Variants in SNURF observed in about 807,000 individuals in gnomAD.
SNURF encodes the protein SNRPN upstream open reading frame.
In SNURF, 6 loss-of-function variants were observed where a neutral mutation model predicts 11.6. The observed-to-expected ratio is 0.52, with a 90% CI of 0.28 to 1.02. The LOEUF is 1.02. SNURF is among the 50% of genes least tolerant of loss of function. SNURF has a pLI of 0.09. For missense variants in SNURF, 84 were observed against 88.4 expected, an observed-to-expected ratio of 0.95 and a Z score of 0.20; for synonymous variants, 29 against 31.6, an observed-to-expected ratio of 0.92 and a Z score of 0.27.
intron 2 of SNURF, among the ~76,000 whole-genome samples, chr15:24,963,236 T>C (rs2075117022): frequency 6.6e-6 from 1 of 152,222 alleles, no homozygotes; most frequent in African/African-American, 2.4e-5. Context: ...TGTGATAACA[T>C]TATTATTGTA....
chr15:24,975,015 A>G (rs1240669589), intron 3 of SNURF: 1 of 702,062 alleles, frequency 1.4e-6, no homozygotes, highest in African/African-American at 1.7e-5. Flanking sequence ...TGGCATTAAC[A>G]GTACAGAGAA....
Position 24,955,072 on chromosome 15 carries a change from G to A in SNURF, c.14+10G>A, listed in dbSNP as rs2062613935. The stretch of plus-strand genomic sequence containing the variant: ...CGATGGAGCGGGCAAGGTCAGCTGT[G>A]CCGGTGGCTTCTCTCAAGAGACAGC... On this transcript the variant is annotated intron_variant, in intron 1 of 2. Coordinates refer to ENST00000577949, the Ensembl canonical transcript of SNURF. 6.2e-7 allele frequency: 1 copy of A among 1,613,552 alleles called. No individual in the cohort carries two copies. The highest frequency in any genetic ancestry group is 8.5e-7 in the Non-Finnish European group (1 of 1,180,018).
At chr15:24,959,055 T>C (rs560453220) in intron 1 of SNURF, among the ~76,000 whole-genome samples, 6 of 152,334 alleles carry the variant, frequency 3.9e-5, no homozygotes, top group Middle Eastern at 3.4e-3. Flanking sequence ...CTTAGTTAAA[T>C]TTTATGGAAA....
At chr15:24,968,066 T>A (rs2075907412) in exon 3 of SNURF, 1 of 1,599,592 alleles carries the variant, frequency 6.3e-7, no homozygotes, top group African/African-American at 1.3e-5. Context: ...AGGAATCTGA[T>A]TCCAAGCAAA....
chr15:24,957,089 T>C (rs2063057727), intron 1 of SNURF, among the ~76,000 whole-genome samples: 1 of 152,250 alleles, frequency 6.6e-6, no homozygotes, highest in Non-Finnish European at 1.5e-5. Context: ...TAACCCCTTT[T>C]TTTTAACTCC....
exon 3 of SNURF, chr15:24,968,143 G>A: frequency 3.1e-6 from 3 of 981,576 alleles, no homozygotes; most frequent in Non-Finnish European, 4.8e-6. Context: ...GGTGTTGGGG[G>A]TTCTCTTAAT....
chr15:24,978,131 C>G (rs1274398147), downstream of SNURF: 9 of 1,551,906 alleles, frequency 5.8e-6, no homozygotes, highest in African/African-American at 5.5e-5. Flanking sequence ...ATTATTTGGG[C>G]TAAATTCTAA....
chr15:24,955,451 C>T (rs975979459), intron 1 of SNURF, among the ~76,000 whole-genome samples: 2 of 151,432 alleles, frequency 1.3e-5, no homozygotes, highest in Non-Finnish European at 1.5e-5. Flanking sequence ...CGTGGGGGGA[C>T]CAGTGCATAG....
At chr15:24,955,719 C>T (rs1279648856) in intron 1 of SNURF, among the ~76,000 whole-genome samples, 1 of 147,372 alleles carries the variant, frequency 6.8e-6, no homozygotes, top group African/African-American at 2.5e-5. Flanking sequence ...GGGGAGAGTC[C>T]GTAGGAAGTG....
At chr15:24,968,483 A>C (rs996353864), downstream of SNURF, 1 of 157,334 alleles carries the variant, frequency 6.4e-6, no homozygotes, top group Admixed American at 6.2e-5. Context: ...AATTTTTTCA[A>C]ATATGCAGAT....
At chr15:24,978,419 C>G, downstream of SNURF, 1 of 1,613,906 alleles carries the variant, frequency 6.2e-7, no homozygotes, top group Non-Finnish European at 8.5e-7. Context: ...CCACCTCCCC[C>G]AGGAATGCGT....
chr15:24,976,453 G>A (rs1405243895), intron 5 of SNURF: 1 of 1,327,794 alleles, frequency 7.5e-7, no homozygotes, highest in Non-Finnish European at 1.1e-6. Flanking sequence ...ACTTTAATTT[G>A]CAGGGACATC....
At chr15:24,972,380 A>C (rs2076527179), downstream of SNURF, among the ~76,000 whole-genome samples, 1 of 151,972 alleles carries the variant, frequency 6.6e-6, no homozygotes, top group Non-Finnish European at 1.5e-5. Context: ...TTAAACTCTT[A>C]CTCATATTTA....
chr15:24,960,716 C>G (rs1041856777), intron 1 of SNURF, among the ~76,000 whole-genome samples: 2 of 152,126 alleles, frequency 1.3e-5, no homozygotes, highest in African/African-American at 4.8e-5. Context: ...CCCATCGTAG[C>G]AATAGAATTT....
rs1555404324 is a variant in SNURF at position 24,956,355 on chromosome 15, G to GGGGGC, written c.14+1297_14+1298insCGGGG. 1.2e-4 allele frequency among the ~76,000 whole-genome samples: 8 copies of GGGGGC among 66,084 alleles called. 1 individual carries two copies. Among genetic ancestry groups the GGGGGC allele is most frequent in the Admixed American group, 9.1e-4 (5 of 5,468 alleles). 43.4% of individuals were successfully genotyped at this position (66,084 alleles called of 152,430 possible). A position where few individuals can be genotyped will look rare whatever the true frequency, so the allele number is the denominator to read the frequency against. ...CTTAGATCTGCGCAAGCGCTTCAGC[G>GGGGGC]GGGGGGTGGCCGCTTCCTCCCTGTA... On this transcript the variant is annotated intron_variant, in intron 1 of 2. Coordinates refer to ENST00000577949, the Ensembl canonical transcript of SNURF.
chr15:24,977,059 T>C (rs766460343), intron 6 of SNURF: 37 of 1,523,690 alleles, frequency 2.4e-5, no homozygotes, highest in African/African-American at 1.4e-5. Context: ...TTTTATATTA[T>C]TGGGAGAATA....
chr15:24,977,746 C>A, intron 6 of SNURF: 1 of 1,550,790 alleles, frequency 6.4e-7, no homozygotes, highest in Non-Finnish European at 8.7e-7. Flanking sequence ...AGGTTTGCAT[C>A]GCTTTGACTG....
At chr15:24,959,991 A>G (rs765346592) in intron 1 of SNURF, among the ~76,000 whole-genome samples, 9 of 152,136 alleles carry the variant, frequency 5.9e-5, no homozygotes, top group Non-Finnish European at 1.3e-4. Context: ...CTGTCTGGGC[A>G]TGGTGGCTCA....
chr15:24,957,779 T>C (rs1321997626), intron 1 of SNURF, among the ~76,000 whole-genome samples: 3 of 152,174 alleles, frequency 2.0e-5, no homozygotes, highest in Non-Finnish European at 4.4e-5. Flanking sequence ...CACATACATA[T>C]ATTTCTTGGT....
Sources: gnomAD v4.1 joint callset for allele counts (sites outside exome capture counted in the v4.1 genomes callset) on GRCh38, gnomAD v4.1.1 for gene constraint, MANE v1.5 for transcripts, NCBI Gene and HGNC (gene_info 2026-07-23, HGNC 2026-07-21) for gene names.